The following ELMO1 variants were observed in gnomAD, a reference collection of about 807,000 sequenced individuals.
ELMO1 encodes the protein engulfment and cell motility 1, also known as engulfment and cell motility protein 1.
In ELMO1, 26 loss-of-function variants were observed where a neutral mutation model predicts 98.9. That is an observed-to-expected ratio of 0.26 (90% CI 0.19 to 0.36). The LOEUF is 0.36. ELMO1 is among the 10% of genes least tolerant of loss of function. The probability of loss-of-function intolerance (pLI) is 1.00; values close to 1 mark genes in which losing one functional copy is unlikely to be tolerated. For missense variants in ELMO1, 627 were observed against 935.2 expected, an observed-to-expected ratio of 0.67 and a Z score of 4.30; for synonymous variants, 346 against 346.0, an observed-to-expected ratio of 1.00 and a Z score of 0.00.
At chr7:37,001,937 A>T (rs1241626198) in intron 16 of ELMO1, 1 of 152,276 alleles carries the variant, frequency 6.6e-6, no homozygotes. Context: ...GTGTTGGAGG[A>T]GATTCGGAAA....
chr7:37,317,787 TA>T (rs1799271423), intron 2 of ELMO1, among the ~76,000 whole-genome samples: 1 of 152,168 alleles, frequency 6.6e-6, no homozygotes. Flanking sequence ...CTATAGTCAA[TA>T]ATTTAATTGC....
In ELMO1 at chr7:37,342,619, A is replaced by G; in HGVS notation, c.72T>C (p.Ile24=). The stretch of plus-strand genomic sequence containing the variant: ...ATGCTGTCACGTTACTAACCTGATC[A>G]ATTTCCATGAGTTTGGGGTAGGCGC... The part of the protein sequence containing the change: ...WPGAYPKLME[I]DQKKPLSAII... The change falls in exon 2 of 22, where the codon ATT becomes ATC. Residue 24 remains isoleucine (I), a synonymous_variant. Transcript: ENST00000310758. The surrounding 1 kb of genome is among the most constrained non-coding windows in gnomAD (Gnocchi z 4.3). 6.2e-7 allele frequency: 1 copy of G among 1,614,032 alleles called. No individual in the cohort carries two copies. The highest frequency in any genetic ancestry group is 8.5e-7 in the Non-Finnish European group (1 of 1,179,964).
At chr7:37,403,791 T>C (rs547038374) in intron 1 of ELMO1, among the ~76,000 whole-genome samples, 25 of 152,144 alleles carry the variant, frequency 1.6e-4, no homozygotes, top group African/African-American at 6.0e-4. Flanking sequence ...AGTGATCCTC[T>C]CACCTCAGCC....
chr7:37,114,056 A>C (rs983063911), intron 14 of ELMO1, among the ~76,000 whole-genome samples: 1 of 152,262 alleles, frequency 6.6e-6, no homozygotes, highest in Non-Finnish European at 1.5e-5. Context: ...AGAAGGACGT[A>C]AGGCTGGAAA....
intron 16 of ELMO1, among the ~76,000 whole-genome samples, chr7:36,958,259 T>G (rs1400677396): frequency 2.0e-5 from 3 of 152,190 alleles, no homozygotes; most frequent in Non-Finnish European, 4.4e-5. Flanking sequence ...AATCCTATTC[T>G]CTGCCTCCTC....
chr7:36,898,402 G>A (rs980981689), intron 16 of ELMO1, among the ~76,000 whole-genome samples: 3 of 152,104 alleles, frequency 2.0e-5, no homozygotes, highest in Admixed American at 1.3e-4. Context: ...TCATTCAATC[G>A]ATGTCTGGAC....
intron 1 of ELMO1, among the ~76,000 whole-genome samples, chr7:37,404,806 T>C (rs1486561539): frequency 2.0e-5 from 3 of 152,234 alleles, no homozygotes; most frequent in Non-Finnish European, 2.9e-5. Flanking sequence ...TAGTTCTAAA[T>C]AGATTGTGGT....
Position 37,323,512 on chromosome 7 carries a change from G to A in ELMO1, c.79-7552C>T, listed in dbSNP as rs76846407. Among the ~76,000 whole-genome samples the A allele has an allele frequency of 4.6e-3, 704 of 152,286 alleles. 5 individuals are homozygous for A. The highest frequency in any genetic ancestry group is 0.016 in the African/African-American group (663 of 41,560). ...GTTTTGAGACCAGGCTGAGCAACAT[G>A]GTGAAACTCTGTCTCTACTAAATTA... On this transcript the variant is annotated intron_variant, in intron 2 of 21. Transcript: ENST00000310758.
At chr7:37,199,317 A>G (rs1278507691) in intron 13 of ELMO1, among the ~76,000 whole-genome samples, 1 of 152,186 alleles carries the variant, frequency 6.6e-6, no homozygotes, top group African/African-American at 2.4e-5. Context: ...TAGTTCCTCT[A>G]AAAATATGAA....
chr7:37,275,107 C>T (rs1363469055), intron 4 of ELMO1, among the ~76,000 whole-genome samples: 1 of 152,226 alleles, frequency 6.6e-6, no homozygotes, highest in Non-Finnish European at 1.5e-5. Context: ...AAATGCTGTG[C>T]TCTGTCTGCC....
chr7:37,067,697 A>G (rs1170767864), intron 15 of ELMO1, among the ~76,000 whole-genome samples: 2 of 152,106 alleles, frequency 1.3e-5, no homozygotes, highest in South Asian at 2.1e-4. Flanking sequence ...AGAAATAGAA[A>G]TTGTTAGTCT....
intron 13 of ELMO1, among the ~76,000 whole-genome samples, chr7:37,178,839 C>G (rs1220186336): frequency 6.6e-6 from 1 of 152,154 alleles, no homozygotes; most frequent in African/African-American, 2.4e-5. Flanking sequence ...CATGACCAGA[C>G]TTGCTAGGAA....
chr7:37,075,805 C>T (rs1178119397), intron 15 of ELMO1, among the ~76,000 whole-genome samples: 1 of 152,152 alleles, frequency 6.6e-6, no homozygotes, highest in Non-Finnish European at 1.5e-5. Context: ...ATGATGATCA[C>T]CCTTCCTTGT....
chr7:36,856,821 A>G lies in ELMO1; in HGVS notation c.1984-1070T>C, dbSNP rs74725647. ...TCCTATATAGGATTCTATAACAGCA[A>G]TTGTTCTCCTCTTCTGTTGAAGTGG... is the stretch of plus-strand genomic sequence containing the variant. On this transcript the variant is annotated intron_variant, in intron 21 of 21. Transcript: ENST00000310758. Among the ~76,000 whole-genome samples the G allele has an allele frequency of 9.4e-3, 1,434 of 152,266 alleles. 23 individuals are homozygous for G. Among genetic ancestry groups the G allele is most frequent in the African/African-American group, 0.033 (1,350 of 41,532 alleles).
chr7:37,275,255 G>C (rs766445288), intron 4 of ELMO1, among the ~76,000 whole-genome samples: 2 of 152,200 alleles, frequency 1.3e-5, no homozygotes, highest in East Asian at 1.9e-4. Flanking sequence ...GGGCTTCCCT[G>C]CCACACCCAA....
chr7:37,169,320 C>T (rs532467619), intron 13 of ELMO1, among the ~76,000 whole-genome samples: 7 of 152,342 alleles, frequency 4.6e-5, no homozygotes, highest in Middle Eastern at 6.8e-3. Context: ...CGCCCTGCTT[C>T]GGCTCGTGCA....
At chr7:37,145,191 C>T (rs1220417156) in intron 13 of ELMO1, among the ~76,000 whole-genome samples, 1 of 152,180 alleles carries the variant, frequency 6.6e-6, no homozygotes, top group Non-Finnish European at 1.5e-5. Context: ...CCAGGTGATA[C>T]AGATGTTGCT....
intron 1 of ELMO1, among the ~76,000 whole-genome samples, chr7:37,447,581 G>C (rs73691115): frequency 0.024 from 3,569 of 151,378 alleles, 131 homozygotes; most frequent in African/African-American, 0.082. Context: ...ACTGGGCGGG[G>C]AGTTCCTGGC....
At chr7:37,190,775 C>G (rs1423750649) in intron 13 of ELMO1, among the ~76,000 whole-genome samples, 1 of 152,134 alleles carries the variant, frequency 6.6e-6, no homozygotes, top group Non-Finnish European at 1.5e-5. Context: ...GCTGGGTTTA[C>G]AGGCGTGAGC....
Sources: allele counts gnomAD v4.1 joint callset (sites outside exome capture counted in the v4.1 genomes callset), GRCh38; gene constraint gnomAD v4.1.1; non-coding constraint Gnocchi (gnomAD v3.1); transcripts MANE v1.5; gene names NCBI Gene and HGNC (gene_info 2026-07-23, HGNC 2026-07-21).